PCDHGB3: variants seen among roughly 807,000 people sequenced by gnomAD.
The protein encoded by PCDHGB3 is protocadherin gamma subfamily B, 3.
A neutral mutation model predicts 59.2 loss-of-function variants in PCDHGB3; 40 were observed. The observed-to-expected ratio is 0.68, with a 90% CI of 0.52 to 0.88. The LOEUF is 0.88. Among genes scored for constraint, PCDHGB3 ranks in the 40% least tolerant of loss-of-function variants. The pLI is 0.00. For missense variants in PCDHGB3, 1,309 were observed against 1,187.9 expected, an observed-to-expected ratio of 1.10 and a Z score of -1.50; for synonymous variants, 581 against 503.6, an observed-to-expected ratio of 1.15 and a Z score of -2.06.
intron 1 of PCDHGB3, chr5:141,426,987 G>C (rs867397302): frequency 1.3e-5 from 6 of 456,602 alleles, no homozygotes; most frequent in African/African-American, 1.2e-4. Context: ...TGATGCCAAC[G>C]ATAATGCCCC....
At chr5:141,437,393 G>T (rs1034237295) in intron 1 of PCDHGB3, among the ~76,000 whole-genome samples, 3 of 152,180 alleles carry the variant, frequency 2.0e-5, no homozygotes, top group Admixed American at 6.5e-5. Flanking sequence ...TTCATCCACT[G>T]CTTTCATTCC....
chr5:141,422,472 G>A lies in PCDHGB3; in HGVS notation c.2415+49663G>A, dbSNP rs772474296. On this transcript the variant is annotated intron_variant, in intron 1 of 3. Transcript: ENST00000576222. ...CAAGCAGAGTGCTGGACAGGGAGTTGGTCCAGAGCTACAATATAACGTTGA... is the reference window on the plus strand; with the variant it reads ...CAAGCAGAGTGCTGGACAGGGAGTTAGTCCAGAGCTACAATATAACGTTGA... 75 of 1,613,562 alleles carry A rather than the reference G, an allele frequency of 4.6e-5. 3 individuals are homozygous for A. In the South Asian group the frequency reaches 8.1e-4, roughly 17 times the overall value.
intron 1 of PCDHGB3, chr5:141,374,359 C>T (rs1179448303): frequency 6.2e-7 from 1 of 1,614,000 alleles, no homozygotes; most frequent in Admixed American, 1.7e-5. Context: ...GGATAGACCG[C>T]GAGGAGCTCT....
chr5:141,387,132 C>T lies in PCDHGB3; in HGVS notation c.2415+14323C>T, dbSNP rs180939160. Among the ~76,000 whole-genome samples, 392 of 152,234 alleles carry T rather than the reference C, an allele frequency of 2.6e-3. 2 individuals carry two copies. The highest frequency in any genetic ancestry group is 9.3e-3 in the African/African-American group (386 of 41,528). ...TATTCCTGTAATGAAATCACTGAAA[C>T]TATTGGGAAGGGGGTGTATTTGAAG... On this transcript the variant is annotated intron_variant, in intron 1 of 3. Coordinates refer to ENST00000576222, the MANE Select transcript of PCDHGB3 (RefSeq NM_018924.5).
chr5:141,479,328 G>A (rs568506786), intron 1 of PCDHGB3: 1 of 152,654 alleles, frequency 6.6e-6, no homozygotes, highest in East Asian at 1.9e-4. Flanking sequence ...CAGACTCAGT[G>A]GTGTGCACCT....
chr5:141,464,773 C>G (rs576769467), intron 1 of PCDHGB3, among the ~76,000 whole-genome samples: 79 of 152,106 alleles, frequency 5.2e-4, no homozygotes, highest in African/African-American at 1.9e-3. Context: ...GAATCTTGTT[C>G]TGTTGCCCAG....
chr5:141,393,041 T>G, intron 1 of PCDHGB3: 2 of 1,613,702 alleles, frequency 1.2e-6, no homozygotes, highest in Non-Finnish European at 1.7e-6. Flanking sequence ...AGCTCTTTGC[T>G]CTGAACCCGC....
At chr5:141,425,827 T>C (rs2096896512) in intron 1 of PCDHGB3, among the ~76,000 whole-genome samples, 1 of 152,226 alleles carries the variant, frequency 6.6e-6, no homozygotes, top group South Asian at 2.1e-4. Context: ...AAACAAACTT[T>C]TAAATTCTCT....
chr5:141,399,796 C>A (rs62621781), intron 1 of PCDHGB3: 1 of 1,613,212 alleles, frequency 6.2e-7, no homozygotes. Context: ...CAACGCACCG[C>A]GGGTGCTGTA....
At chr5:141,503,916 C>T (rs1372491893) in intron 2 of PCDHGB3, among the ~76,000 whole-genome samples, 1 of 152,246 alleles carries the variant, frequency 6.6e-6, no homozygotes, top group African/African-American at 2.4e-5. Context: ...CAACGCAACA[C>T]ACACACAGAC....
chr5:141,384,126 C>A lies in PCDHGB3; in HGVS notation c.2415+11317C>A, dbSNP rs749225079. On this transcript the variant is annotated intron_variant, in intron 1 of 3. Transcript: ENST00000576222. ...ATTATAGATTGGTCACAACCAAAAA[C>A]TTGGACCGGGAAACACTCTCTTTGT... 4 of 1,610,820 alleles carry A rather than the reference C, an allele frequency of 2.5e-6. No individual in the cohort carries two copies. The Admixed American group carries it at 6.7e-5, about 27-fold the overall frequency.
chr5:141,408,873 CCACCG>C (rs776180805), intron 1 of PCDHGB3: 50 of 1,613,104 alleles, frequency 3.1e-5, no homozygotes, highest in Non-Finnish European at 4.1e-5. Context: ...CCAAGAAGTG[CCACCG>C]CTCACATAGA....
At chr5:141,443,088 T>G (rs188899890) in intron 1 of PCDHGB3, among the ~76,000 whole-genome samples, 1 of 151,974 alleles carries the variant, frequency 6.6e-6, no homozygotes, top group African/African-American at 2.4e-5. Context: ...TGTTCCAGTC[T>G]CCTTCTCAAG....
chr5:141,403,707 T>C (rs2094445205), intron 1 of PCDHGB3: 2 of 1,613,778 alleles, frequency 1.2e-6, no homozygotes, highest in African/African-American at 2.7e-5. Flanking sequence ...GTTAAAGTCC[T>C]TGAGAACGTG....
At position 141,389,190 on chromosome 5, in the gene PCDHGB3, A is replaced by G; in HGVS notation, c.2415+16381A>G. The G allele has an allele frequency of 6.2e-7, 1 of 1,614,034 alleles. No individual in the cohort carries two copies. The highest frequency in any genetic ancestry group is 8.5e-7 in the Non-Finnish European group (1 of 1,179,896). ...GCCTCCCCTCTCCTCCAGTTCCAGC[A>G]TCACCCTGCACATTGGTGATGTAAA... On this transcript the variant is annotated intron_variant, in intron 1 of 3. Coordinates refer to ENST00000576222, the MANE Select transcript of PCDHGB3 (RefSeq NM_018924.5).
rs1000775080 is a variant in PCDHGB3 at position 141,487,567 on chromosome 5, G to C, written c.2416-7240G>C. 2 of 1,614,168 alleles carry C rather than the reference G, an allele frequency of 1.2e-6. No individual in the cohort carries two copies. The highest frequency in any genetic ancestry group is 1.7e-6 in the Non-Finnish European group (2 of 1,180,036). ...CACCCAGTGCACCTATGGCAGGGGA[G>C]CCTGTTCGCCCAAGCTGCCCACCCT... On this transcript the variant is annotated intron_variant, in intron 1 of 3. Coordinates refer to ENST00000576222, the MANE Select transcript of PCDHGB3 (RefSeq NM_018924.5). The surrounding 1 kb of genome is among the most constrained non-coding windows in gnomAD (Gnocchi z 5.0).
At chr5:141,393,435 C>T in intron 1 of PCDHGB3, 1 of 1,614,014 alleles carries the variant, frequency 6.2e-7, no homozygotes. Context: ...AGAGGCTGCT[C>T]ACCACCTGGT....
chr5:141,405,418 T>C (rs2094662415), intron 1 of PCDHGB3: 1 of 1,508,444 alleles, frequency 6.6e-7, no homozygotes, highest in South Asian at 1.2e-5. Context: ...TTTTTTTGTT[T>C]TTTGTTTTGT....
intron 1 of PCDHGB3, chr5:141,427,050 G>A (rs974721070): frequency 4.4e-6 from 2 of 457,372 alleles, no homozygotes; most frequent in Non-Finnish European, 4.4e-6. Flanking sequence ...TGTGCCCCCA[G>A]GCACCTCTGT....
Sources: allele counts gnomAD v4.1 joint callset (sites outside exome capture counted in the v4.1 genomes callset), GRCh38; gene constraint gnomAD v4.1.1; non-coding constraint Gnocchi (gnomAD v3.1); transcripts MANE v1.5; gene names NCBI Gene and HGNC (gene_info 2026-07-23, HGNC 2026-07-21).